Variants in PPM1L observed in about 807,000 individuals in gnomAD.
PPM1L encodes the protein protein phosphatase 1L.
Under a neutral mutation model 31.4 loss-of-function variants are expected in PPM1L, and 13 were observed. The observed-to-expected ratio is 0.41, with a 90% confidence interval of 0.27 to 0.66. The LOEUF is 0.66. PPM1L is among the 30% of genes least tolerant of loss of function. The probability of loss-of-function intolerance (pLI) is 0.29; values close to 1 mark genes in which losing one functional copy is unlikely to be tolerated. For synonymous variants in PPM1L, 184 were observed against 175.4 expected (o/e 1.05, Z -0.39); for missense variants, 326 against 453.7 (o/e 0.72, Z 2.56).
intron 1 of PPM1L, among the ~76,000 whole-genome samples, chr3:160,812,107 C>A (rs1712829829): frequency 6.6e-6 from 1 of 152,208 alleles, no homozygotes; most frequent in African/African-American, 2.4e-5. Context: ...GCCTTCCATG[C>A]TCTTTAGCTG....
chr3:160,998,532 T>C (rs1255368500), intron 2 of PPM1L, among the ~76,000 whole-genome samples: 1 of 152,178 alleles, frequency 6.6e-6, no homozygotes. Flanking sequence ...ATTACCTTCT[T>C]CAGGGTCACA....
At chr3:160,880,839 C>T (rs2108037452) in intron 1 of PPM1L, among the ~76,000 whole-genome samples, 1 of 152,258 alleles carries the variant, frequency 6.6e-6, no homozygotes, top group Non-Finnish European at 1.5e-5. Context: ...CCTCTCCACC[C>T]AGATTTTGCC....
intron 1 of PPM1L, among the ~76,000 whole-genome samples, chr3:160,883,527 G>A (rs553547017): frequency 6.6e-6 from 1 of 152,146 alleles, no homozygotes; most frequent in South Asian, 2.1e-4. Context: ...TTTGAGAAAT[G>A]AAGGTCTACA....
intron 2 of PPM1L, among the ~76,000 whole-genome samples, chr3:160,976,309 C>A (rs1289552188): frequency 4.8e-4 from 71 of 146,566 alleles, no homozygotes; most frequent in Non-Finnish European, 6.3e-4. Flanking sequence ...CATCAATGTT[C>A]ATCAAGGATA....
intron 2 of PPM1L, among the ~76,000 whole-genome samples, chr3:161,030,198 A>T (rs1400348190): frequency 6.6e-6 from 1 of 152,218 alleles, no homozygotes; most frequent in Admixed American, 6.5e-5. Flanking sequence ...GTACTAAAAG[A>T]TAGGGCCTTT....
intron 1 of PPM1L, among the ~76,000 whole-genome samples, chr3:160,820,305 A>G (rs1713156388): frequency 6.6e-6 from 1 of 152,132 alleles, no homozygotes; most frequent in African/African-American, 2.4e-5. Flanking sequence ...TGCTTTCAAC[A>G]TGTAGTGCTA....
chr3:160,963,333 G>A (rs1316021597), intron 2 of PPM1L, among the ~76,000 whole-genome samples: 1 of 152,034 alleles, frequency 6.6e-6, no homozygotes, highest in Non-Finnish European at 1.5e-5. Context: ...TGCTCAGTAA[G>A]CAATTGTTGA....
chr3:160,945,710 G>T (rs115939086), intron 1 of PPM1L, among the ~76,000 whole-genome samples: 2,421 of 152,098 alleles, frequency 0.016, 59 homozygotes, highest in African/African-American at 0.054. Flanking sequence ...ACAGGTCCAC[G>T]TACACACAGA....
At position 161,024,058 on chromosome 3, in the gene PPM1L, C is replaced by T. The variant is rs370287811; in HGVS notation, c.575-41345C>T. Among the ~76,000 whole-genome samples the T allele has an allele frequency of 1.5e-3, 233 of 152,232 alleles. 3 individuals are homozygous for T. The South Asian group carries it at 0.047, about 30-fold the overall frequency. On this transcript the variant is annotated intron_variant, in intron 2 of 3. Transcript: ENST00000498165. The stretch of plus-strand genomic sequence containing the variant: ...TTGGGAGGCCCAGACGGGCAGATCA[C>T]TTGAGGTCAGGAGTTCGAGGCTAGC...
At chr3:160,970,448 T>G in intron 2 of PPM1L, among the ~76,000 whole-genome samples, 1 of 52,710 alleles carries the variant, frequency 1.9e-5, no homozygotes, top group African/African-American at 7.8e-5. Flanking sequence ...AAGCTGAATA[T>G]TTTTTTTTTT....
rs1358865702 is a variant in PPM1L, at chr3:160,756,238, C to T, written c.-71C>T. ...CCTCCCTCCCGGCGGGCTGTCCCCG[C>T]AGTGCTCCCGGACCCGGCGAGCCTT... On this transcript the variant is annotated 5_prime_UTR_variant, in exon 1 of 4. Transcript: ENST00000498165. This position sits in a 1 kb window ranked among gnomAD's most constrained non-coding sequence, Gnocchi z 6.2. 16 of 1,524,362 alleles carry T rather than the reference C, an allele frequency of 1.0e-5. No individual in the cohort carries two copies. In the Admixed American group the frequency reaches 2.0e-4, roughly 19 times the overall value. 94.4% of individuals were successfully genotyped at this position (1,524,362 alleles called of 1,614,324 possible).
chr3:160,898,782 G>A (rs746397517), intron 1 of PPM1L, among the ~76,000 whole-genome samples: 53 of 152,318 alleles, frequency 3.5e-4, no homozygotes, highest in Non-Finnish European at 6.6e-4. Flanking sequence ...AACACTTAAT[G>A]TGTGTCAGGC....
intron 1 of PPM1L, among the ~76,000 whole-genome samples, chr3:160,835,033 A>ACTTCTTCTTCTT (rs1472836807): frequency 1.0e-3 from 88 of 86,294 alleles, no homozygotes; most frequent in African/African-American, 5.6e-3. Flanking sequence ...TACTATTACT[A>ACTTCTTCTTCTT]CTACTACTTC....
rs571765504 is a variant in PPM1L at position 161,072,592 on chromosome 3, T to C, written c.*3435T>C. On this transcript the variant is annotated 3_prime_UTR_variant, in exon 4 of 4. Transcript: ENST00000498165. ...GATTCCACTGTTGGATTCTAGGAAA[T>C]TGAGTCCACTGTTTTCCTTTGCGTT... The C allele has an allele frequency of 1.6e-4, 25 of 152,370 alleles. No homozygotes were observed. The highest frequency in any genetic ancestry group is 6.0e-4 in the African/African-American group (25 of 41,580). The allele number at this position is 152,370 out of a possible 1,614,324, so 9.4% of individuals were successfully genotyped here.
At chr3:160,824,444 C>T (rs1576655952) in intron 1 of PPM1L, among the ~76,000 whole-genome samples, 1 of 152,140 alleles carries the variant, frequency 6.6e-6, no homozygotes, top group East Asian at 1.9e-4. Flanking sequence ...ATTTTGAATA[C>T]ATGTTTTAGC....
intron 1 of PPM1L, among the ~76,000 whole-genome samples, chr3:160,902,086 C>A (rs1011481786): frequency 1.3e-5 from 2 of 151,948 alleles, no homozygotes; most frequent in African/African-American, 2.4e-5. Context: ...AATAGAAATG[C>A]ATAAAATGTG....
In PPM1L at chr3:161,013,355, G is replaced by C. The variant is rs963450645; in HGVS notation, c.574+51445G>C. Among the ~76,000 whole-genome samples, 146 of 152,306 alleles carry C rather than the reference G, an allele frequency of 9.6e-4. 1 individual carries two copies. Among genetic ancestry groups the C allele is most frequent in the African/African-American group, 3.3e-3 (139 of 41,560 alleles). On this transcript the variant is annotated intron_variant, in intron 2 of 3. Transcript: ENST00000498165. ...GGTTTTGAGTGAGTTTCTTAATCCT[G>C]AGTTGTAGTTTGATTGCACTGTGAT... is the stretch of plus-strand genomic sequence containing the variant.
chr3:160,783,482 C>T (rs1711807503), intron 1 of PPM1L, among the ~76,000 whole-genome samples: 1 of 151,552 alleles, frequency 6.6e-6, no homozygotes, highest in Non-Finnish European at 1.5e-5. Flanking sequence ...TGCCTGTAAT[C>T]CCAGTTACTC....
At chr3:160,760,573 T>C (rs1714944496) in intron 1 of PPM1L, among the ~76,000 whole-genome samples, 1 of 152,130 alleles carries the variant, frequency 6.6e-6, no homozygotes, top group African/African-American at 2.4e-5. Context: ...TATAACAAGA[T>C]TAAAACAACA....
Sources: gnomAD v4.1 joint callset for allele counts (sites outside exome capture counted in the v4.1 genomes callset) on GRCh38, gnomAD v4.1.1 for gene constraint, Gnocchi (gnomAD v3.1) non-coding constraint, MANE v1.5 for transcripts, NCBI Gene and HGNC (gene_info 2026-07-23, HGNC 2026-07-21) for gene names.